Variants in KLHL1 observed in about 807,000 individuals in gnomAD.
The protein encoded by KLHL1 is kelch-like protein 1.
A neutral mutation model predicts 77.7 loss-of-function variants in KLHL1; 47 were observed. That is an observed-to-expected ratio of 0.60 (90% CI 0.48 to 0.77). The LOEUF (loss-of-function observed/expected upper bound fraction) is 0.77, where lower values mean the gene tolerates loss of function less well. KLHL1 is among the 30% of genes least tolerant of loss of function. KLHL1 has a pLI of 0.00. For missense variants in KLHL1, 925 were observed against 910.8 expected (o/e 1.02, Z -0.20); for synonymous variants, 360 against 325.2 (o/e 1.11, Z -1.15).
intron 1 of KLHL1, among the ~76,000 whole-genome samples, chr13:69,993,334 C>T (rs1204431464): frequency 6.6e-6 from 1 of 151,998 alleles, no homozygotes; most frequent in Non-Finnish European, 1.5e-5. Context: ...ATAACCTCCA[C>T]CTGGCAATCT....
intron 5 of KLHL1, among the ~76,000 whole-genome samples, chr13:69,843,247 T>C (rs1475867846): frequency 1.3e-5 from 2 of 151,620 alleles, no homozygotes; most frequent in Admixed American, 1.3e-4. Context: ...ATGTACTTCA[T>C]AAATTTGTAC....
chr13:69,790,016 T>C (rs561214841), intron 7 of KLHL1, among the ~76,000 whole-genome samples: 5 of 152,226 alleles, frequency 3.3e-5, no homozygotes, highest in Admixed American at 3.3e-4. Context: ...CGAGATGTAA[T>C]TGTGGTCTCT....
At chr13:69,806,404 T>C (rs1051784216) in intron 6 of KLHL1, among the ~76,000 whole-genome samples, 3 of 152,162 alleles carry the variant, frequency 2.0e-5, no homozygotes, top group Non-Finnish European at 4.4e-5. Flanking sequence ...AAGTAGCATG[T>C]ACCTCCTCCA....
At chr13:70,069,490 G>A (rs1204607264) in intron 1 of KLHL1, among the ~76,000 whole-genome samples, 16 of 152,012 alleles carry the variant, frequency 1.1e-4, no homozygotes, top group Admixed American at 1.0e-3. Flanking sequence ...AAACCACAAA[G>A]GGACAAAGTA....
At chr13:69,920,963 T>C (rs1882613156) in intron 4 of KLHL1, among the ~76,000 whole-genome samples, 1 of 152,182 alleles carries the variant, frequency 6.6e-6, no homozygotes, top group Non-Finnish European at 1.5e-5. Flanking sequence ...CCATAAGGTC[T>C]GTTTCTGCAT....
chr13:69,985,652 G>A (rs1441986327), intron 1 of KLHL1, among the ~76,000 whole-genome samples: 1 of 151,076 alleles, frequency 6.6e-6, no homozygotes, highest in Non-Finnish European at 1.5e-5. Flanking sequence ...CAAAGGAAAT[G>A]AGATGAATAT....
chr13:69,858,144 C>T (rs1879993468), intron 5 of KLHL1, among the ~76,000 whole-genome samples: 1 of 152,018 alleles, frequency 6.6e-6, no homozygotes, highest in Admixed American at 6.6e-5. Flanking sequence ...ACAGGGGACA[C>T]CCAGAGACAT....
At chr13:69,757,940 A>G (rs1874833142) in intron 7 of KLHL1, among the ~76,000 whole-genome samples, 1 of 145,068 alleles carries the variant, frequency 6.9e-6, no homozygotes, top group Non-Finnish European at 1.5e-5. Flanking sequence ...CTGAGTAACA[A>G]GAGCGAAACT....
intron 8 of KLHL1, among the ~76,000 whole-genome samples, chr13:69,726,232 A>G (rs1016021889): frequency 6.6e-6 from 1 of 152,174 alleles, no homozygotes; most frequent in Non-Finnish European, 1.5e-5. Flanking sequence ...ACCCAGAAAA[A>G]GTGTTTAGGC....
chr13:69,904,007 A>G (rs908560823), intron 4 of KLHL1, among the ~76,000 whole-genome samples: 3 of 151,898 alleles, frequency 2.0e-5, no homozygotes, highest in Non-Finnish European at 4.4e-5. Context: ...CTATGTATTT[A>G]AAGAGACCCA....
intron 5 of KLHL1, among the ~76,000 whole-genome samples, chr13:69,858,428 G>A (rs1880007244): frequency 2.6e-5 from 4 of 152,114 alleles, no homozygotes; most frequent in African/African-American, 7.2e-5. Context: ...TAGTACAAAT[G>A]CAAGCTTGAA....
At chr13:70,107,175 T>C in intron 1 of KLHL1, 28 bp downstream of exon 1, 1 of 1,551,830 alleles carries the variant, frequency 6.4e-7, no homozygotes, top group Non-Finnish European at 8.7e-7. Context: ...TGAGAGATGC[T>C]TGGAAGCCCC....
chr13:69,786,542 C>T (rs1471013259), intron 7 of KLHL1, among the ~76,000 whole-genome samples: 1 of 152,128 alleles, frequency 6.6e-6, no homozygotes, highest in African/African-American at 2.4e-5. Flanking sequence ...AAACCCACAG[C>T]CAATATCGTA....
intron 3 of KLHL1, among the ~76,000 whole-genome samples, chr13:69,948,452 T>C (rs141091937): frequency 0.01 from 1,564 of 152,108 alleles, 25 homozygotes; most frequent in African/African-American, 0.035. Context: ...TCCTATAAAC[T>C]GCTTATAAAA....
intron 8 of KLHL1, among the ~76,000 whole-genome samples, chr13:69,723,840 A>ATT (rs746350927): frequency 0.041 from 2,416 of 58,266 alleles, 97 homozygotes; most frequent in African/African-American, 0.087. Context: ...GCCAGTCAGA[A>ATT]TTTTTTTTTT....
Position 69,701,585 on chromosome 13 carries a change from G to A in KLHL1, c.*117C>T, listed in dbSNP as rs143554043. 229 of 699,414 alleles carry A rather than the reference G, an allele frequency of 3.3e-4. 3 individuals are homozygous for A. Among genetic ancestry groups the A allele is most frequent in the Middle Eastern group, 2.6e-3 (9 of 3,504 alleles). The allele number at this position is 699,414 out of a possible 1,614,324, so 43.3% of individuals were successfully genotyped here. A position where few individuals can be genotyped will look rare whatever the true frequency, so the allele number is the denominator to read the frequency against. ...AACTCTTTCAACATCAGTAGGTAAC[G>A]CTACAGAGATCCTTGTTCTTGAAGA... On this transcript the variant is annotated 3_prime_UTR_variant, in exon 11 of 11. Coordinates refer to ENST00000377844, the MANE Select transcript of KLHL1 (RefSeq NM_020866.3).
intron 1 of KLHL1, among the ~76,000 whole-genome samples, chr13:70,076,118 G>A (rs1887262280): frequency 6.6e-6 from 1 of 151,800 alleles, no homozygotes; most frequent in Non-Finnish European, 1.5e-5. Context: ...TTGTTTTGTG[G>A]AAATTGACAA....
chr13:69,719,668 G>T, intron 8 of KLHL1, 87 bp from the exon 9 acceptor site: 1 of 963,526 alleles, frequency 1.0e-6, no homozygotes, highest in Non-Finnish European at 1.6e-6. Flanking sequence ...AATTTTCACA[G>T]TATGAGGCTC....
At chr13:69,999,308 A>G (rs1180069755) in intron 1 of KLHL1, among the ~76,000 whole-genome samples, 1 of 151,996 alleles carries the variant, frequency 6.6e-6, no homozygotes, top group East Asian at 1.9e-4. Flanking sequence ...GAAGGCGAAG[A>G]TCATCGGTGG....
Sources: gnomAD v4.1 joint callset for allele counts (sites outside exome capture counted in the v4.1 genomes callset) on GRCh38, gnomAD v4.1.1 for gene constraint, MANE v1.5 for transcripts, NCBI Gene and HGNC (gene_info 2026-07-23, HGNC 2026-07-21) for gene names.